Variants in PKD1L3 observed in about 807,000 individuals in gnomAD.
PKD1L3 encodes the protein polycystin-1-like protein 3.
Under a neutral mutation model 184.1 loss-of-function variants are expected in PKD1L3, and 239 were observed. The ratio of observed to expected loss-of-function variants is 1.30; its 90% confidence interval spans 1.17 to 1.45. The LOEUF (loss-of-function observed/expected upper bound fraction) is 1.45. Ranked by LOEUF, PKD1L3 falls within the 40% of genes most tolerant of loss-of-function variation. The pLI, the probability that PKD1L3 is intolerant of heterozygous loss-of-function variation, is 0.00. For synonymous variants in PKD1L3, 996 were observed against 778.8 expected (o/e 1.28, Z -4.64); for missense variants, 2,660 against 2,067.2 (o/e 1.29, Z -5.56).
At position 71,986,442 on chromosome 16, in the gene PKD1L3, G is replaced by T. The variant is rs943854548; in HGVS notation, c.613C>A (p.Gln205Lys). The change falls in exon 5 of 30, where the codon CAG becomes AAG. Residue 205 changes from glutamine to lysine, a missense_variant. Gln to Lys is a moderately conservative substitution (Grantham distance 53, BLOSUM62 1). Coordinates refer to ENST00000620267, the MANE Select transcript of PKD1L3 (RefSeq NM_181536.2). ...LSKTLCHPIS[Q>K]FPSVLSSITS... Reference sequence around the variant, plus strand: ...ATACTTGATAGTACTGAAGGAAACTGGCTGATGGGATGACACAGGGTCTTG... The same window carrying T: ...ATACTTGATAGTACTGAAGGAAACTTGCTGATGGGATGACACAGGGTCTTG... The T allele has an allele frequency of 3.2e-6, 5 of 1,551,836 alleles. No individual in the cohort carries two copies. In the Admixed American group the frequency reaches 7.8e-5, roughly 24 times the overall value.
At chr16:71,997,658 G>C (rs915609473) in intron 2 of PKD1L3, among the ~76,000 whole-genome samples, 1 of 152,138 alleles carries the variant, frequency 6.6e-6, no homozygotes, top group African/African-American at 2.4e-5. Context: ...TGAGGCAGGA[G>C]AATCACTGGA....
intron 7 of PKD1L3, among the ~76,000 whole-genome samples, chr16:71,980,512 A>G (rs1369015011): frequency 2.0e-5 from 3 of 152,140 alleles, no homozygotes; most frequent in Non-Finnish European, 4.4e-5. Context: ...CATCACCACA[A>G]TCTAATTTTA....
intron 2 of PKD1L3, 136 bp downstream of exon 2, chr16:71,998,136 A>G: frequency 8.4e-7 from 1 of 1,197,074 alleles, no homozygotes; most frequent in Admixed American, 2.8e-5. Flanking sequence ...AATCAGCATC[A>G]TGAAAATCAA....
rs188561971 is a variant in PKD1L3, at chr16:71,974,632, G to A, written c.1760-1115C>T. Among the ~76,000 whole-genome samples the A allele has an allele frequency of 4.4e-3, 674 of 152,254 alleles. 8 individuals carry two copies. The highest frequency in any genetic ancestry group is 0.015 in the African/African-American group (630 of 41,542). ...CCAGGAGGCGGAGGCTACAGTGAGT[G>A]GAGATCGCACCACTGCGCTCCACCC... On this transcript the variant is annotated intron_variant, in intron 11 of 29. Transcript: ENST00000620267.
At chr16:71,959,991 C>A (rs1325017419) in intron 16 of PKD1L3, among the ~76,000 whole-genome samples, 1 of 152,012 alleles carries the variant, frequency 6.6e-6, no homozygotes, top group Non-Finnish European at 1.5e-5. Flanking sequence ...CATGGTGGCA[C>A]ACACCTGTAG....
Position 71,935,362 on chromosome 16 carries a change from C to T in PKD1L3, c.4609G>A (p.Asp1537Asn). ...GCCCCTCAGGCTTCCTCTCACCTGT[C>T]CTGGTCATCGCGGTATCGTGCCATG... ...KNMARYRDDQ[D>N]RFISFYEAVK... The change falls in exon 26 of 30, where the codon GAC becomes AAC. Residue 1537 changes from aspartate to asparagine, a missense_variant. Asp to Asn is a conservative substitution (Grantham distance 23). Coordinates refer to ENST00000620267, the MANE Select transcript of PKD1L3 (RefSeq NM_181536.2). 6.4e-7 allele frequency: 1 copy of T among 1,551,362 alleles called. No homozygotes were observed. The highest frequency in any genetic ancestry group is 8.7e-7 in the Non-Finnish European group (1 of 1,146,822).
At chr16:71,950,702 G>C (rs184880871) in intron 19 of PKD1L3, among the ~76,000 whole-genome samples, 29 of 151,200 alleles carry the variant, frequency 1.9e-4, no homozygotes, top group African/African-American at 6.8e-4. Context: ...AGGATATGTG[G>C]GTATAATACA....
At chr16:71,977,946 G>T (rs1419215270) in intron 10 of PKD1L3, among the ~76,000 whole-genome samples, 1 of 151,756 alleles carries the variant, frequency 6.6e-6, no homozygotes, top group Non-Finnish European at 1.5e-5. Flanking sequence ...GTTAATTTTT[G>T]TATTTTTAGT....
intron 4 of PKD1L3, among the ~76,000 whole-genome samples, chr16:71,988,665 C>T (rs1379073042): frequency 6.6e-6 from 1 of 152,144 alleles, no homozygotes; most frequent in African/African-American, 2.4e-5. Context: ...GGCAAAACTC[C>T]ACCTCCATTC....
intron 16 of PKD1L3, among the ~76,000 whole-genome samples, chr16:71,961,446 A>C (rs2039275584): frequency 6.6e-6 from 1 of 152,074 alleles, no homozygotes; most frequent in African/African-American, 2.4e-5. Flanking sequence ...TCTGATTTTC[A>C]AAGTTAGGAC....
intron 2 of PKD1L3, among the ~76,000 whole-genome samples, chr16:71,995,035 T>A (rs972591056): frequency 4.8e-4 from 73 of 152,274 alleles, no homozygotes; most frequent in African/African-American, 1.6e-3. Context: ...ATTGCTTTAG[T>A]CTGTTTTGCA....
At chr16:71,984,293 T>G in intron 5 of PKD1L3, 126 bp from the exon 6 acceptor site, 1 of 869,584 alleles carries the variant, frequency 1.1e-6, no homozygotes, top group Non-Finnish European at 1.7e-6. Flanking sequence ...CACAGCTCTC[T>G]AAAACAGTGA....
Position 71,942,548 on chromosome 16 carries a change from C to A in PKD1L3, c.4324+12G>T. ...CTACGTGTGGTTGAATTCCAGGGGT[C>A]ACTCCAGTTACCTCTCATGATGTAA... On this transcript the variant is annotated intron_variant, in intron 24 of 29. Coordinates refer to ENST00000620267, the MANE Select transcript of PKD1L3 (RefSeq NM_181536.2). The A allele has an allele frequency of 6.5e-7, 1 of 1,542,090 alleles. No homozygotes were observed. Among genetic ancestry groups the A allele is most frequent in the South Asian group, 1.2e-5 (1 of 83,458 alleles).
chr16:71,989,157 G>A (rs1429383424), intron 4 of PKD1L3, among the ~76,000 whole-genome samples: 3 of 152,010 alleles, frequency 2.0e-5, no homozygotes, highest in East Asian at 1.9e-4. Context: ...GGGTTTTTTT[G>A]TTTTGTTTTG....
intron 13 of PKD1L3, among the ~76,000 whole-genome samples, chr16:71,968,487 G>C (rs1375620066): frequency 6.6e-6 from 1 of 152,198 alleles, no homozygotes; most frequent in Admixed American, 6.5e-5. Flanking sequence ...GCGTATTCTA[G>C]AATTTCCAAG....
At chr16:71,964,332 TTTTTTTTTTTTTTTTTTTTTTTTTG>T (rs2039409505) in intron 15 of PKD1L3, among the ~76,000 whole-genome samples, 1 of 39,718 alleles carries the variant, frequency 2.5e-5, no homozygotes, top group South Asian at 1.9e-3. Context: ...TTTTTTTTTT[TTTTTTTTTTTTTTTTTTTTTTTTTG>T]AGACAGAGTT....
chr16:71,951,716 A>G lies in PKD1L3; in HGVS notation c.3038T>C (p.Leu1013Pro). 1 of 1,550,388 alleles carries G rather than the reference A, an allele frequency of 6.4e-7. No individual in the cohort carries two copies. Among genetic ancestry groups the G allele is most frequent in the Non-Finnish European group, 8.7e-7 (1 of 1,146,620 alleles). ...EELKETVRFL[L>P]RRNTYLLSKC... is the part of the protein sequence containing the mutation. The stretch of plus-strand genomic sequence containing the variant: ...GGAGAGTAGGTATGTATTTCTCCTG[A>G]GCAGGAATCTCACAGTTTCCTTTAA... Residue 1013 changes from leucine (L) to proline (P), a missense_variant, in exon 19 of 30, where the codon CTC (leucine) becomes CCC (proline). Leu to Pro is a moderately conservative substitution (Grantham distance 98). Transcript: ENST00000620267.
intron 21 of PKD1L3, among the ~76,000 whole-genome samples, chr16:71,948,803 T>TAGAAAAAAA (rs2038718020): frequency 1.2e-5 from 1 of 81,206 alleles, no homozygotes; most frequent in Non-Finnish European, 2.2e-5. Context: ...TTACATATAG[T>TAGAAAAAAA]AAAAAAAAAA....
intron 6 of PKD1L3, among the ~76,000 whole-genome samples, chr16:71,983,546 G>A (rs1230016263): frequency 6.6e-6 from 1 of 151,408 alleles, no homozygotes; most frequent in Non-Finnish European, 1.5e-5. Context: ...TGTCACTACT[G>A]ATCAATTTAA....
Sources: allele counts gnomAD v4.1 joint callset (sites outside exome capture counted in the v4.1 genomes callset), GRCh38; gene constraint gnomAD v4.1.1; transcripts MANE v1.5; gene names NCBI Gene and HGNC (gene_info 2026-07-23, HGNC 2026-07-21).